The following PDE1A variants were observed in gnomAD, a reference collection of about 807,000 sequenced individuals.
PDE1A encodes the protein phosphodiesterase 1A, also known as dual specificity calcium/calmodulin-dependent 3',5'-cyclic nucleotide phosphodiesterase 1A.
In PDE1A, 35 loss-of-function variants were observed where a neutral mutation model predicts 61.7. The ratio of observed to expected loss-of-function variants is 0.57; its 90% CI spans 0.43 to 0.75. The LOEUF is 0.75. Among genes scored for constraint, PDE1A ranks in the 30% least tolerant of loss-of-function variants. PDE1A has a pLI of 0.00. For missense variants in PDE1A, 597 were observed against 630.6 expected (o/e 0.95, Z 0.57); for synonymous variants, 232 against 213.2 (o/e 1.09, Z -0.77).
At chr2:182,337,800 G>A (rs1012703507) in intron 1 of PDE1A, among the ~76,000 whole-genome samples, 3 of 152,014 alleles carry the variant, frequency 2.0e-5, no homozygotes, top group African/African-American at 7.2e-5. Flanking sequence ...CCTTTTCAGT[G>A]CACTAAAGGT....
upstream of PDE1A, among the ~76,000 whole-genome samples, chr2:182,429,925 G>T (rs1431741339): frequency 6.6e-6 from 1 of 152,136 alleles, no homozygotes; most frequent in Admixed American, 6.6e-5. Context: ...AAGCACGTAA[G>T]TCTAGTCAAA....
chr2:182,390,078 G>T (rs1461673362), intron 1 of PDE1A, among the ~76,000 whole-genome samples: 1 of 152,088 alleles, frequency 6.6e-6, no homozygotes, highest in Admixed American at 6.5e-5. Context: ...CCTATTGTAT[G>T]ATTTCACCTT....
the PDE1A span, among the ~76,000 whole-genome samples, chr2:182,669,833 T>A: frequency 6.6e-6 from 1 of 152,198 alleles, no homozygotes; most frequent in African/African-American, 2.4e-5. Flanking sequence ...CAGACGCACC[T>A]GCGTGTGCGT....
intron 11 of PDE1A, among the ~76,000 whole-genome samples, chr2:182,186,875 C>T (rs80085949): frequency 2.6e-5 from 4 of 152,284 alleles, no homozygotes; most frequent in East Asian, 1.9e-4. Context: ...ATATAATATA[C>T]GATTGCTAAC....
the PDE1A span, among the ~76,000 whole-genome samples, chr2:182,627,307 TA>T: frequency 1.3e-5 from 1 of 78,332 alleles, no homozygotes; most frequent in Non-Finnish European, 2.4e-5. Context: ...TATATATAAA[TA>T]AAATATATAT....
At chr2:182,663,167 A>AATTT in the PDE1A span, among the ~76,000 whole-genome samples, 1 of 152,234 alleles carries the variant, frequency 6.6e-6, no homozygotes, top group African/African-American at 2.4e-5. Flanking sequence ...CTATTACTAA[A>AATTT]AAGCCAAAAA....
chr2:182,481,639 C>A (rs1455094018), intron 2 of PDE1A, among the ~76,000 whole-genome samples: 2 of 151,864 alleles, frequency 1.3e-5, no homozygotes, highest in East Asian at 3.9e-4. Flanking sequence ...GTACAAAAAT[C>A]CCAGATTGTG....
At chr2:182,437,836 C>CT (rs994918537) in intron 2 of PDE1A, among the ~76,000 whole-genome samples, 21 of 151,764 alleles carry the variant, frequency 1.4e-4, no homozygotes, top group African/African-American at 5.1e-4. Flanking sequence ...AAATAATTTT[C>CT]TTTTCCAGTG....
chr2:182,710,585 A>G, the PDE1A span, among the ~76,000 whole-genome samples: 1 of 152,328 alleles, frequency 6.6e-6, no homozygotes, highest in East Asian at 1.9e-4. Context: ...GATTCTACAG[A>G]TAAGTAAGAT....
downstream of PDE1A, among the ~76,000 whole-genome samples, chr2:182,166,334 G>A (rs1465039945): frequency 6.6e-6 from 1 of 152,112 alleles, no homozygotes; most frequent in African/African-American, 2.4e-5. Flanking sequence ...GACAAAGCAG[G>A]TAGAAAAAGG....
At chr2:182,345,051 G>T (rs1403177695) in intron 1 of PDE1A, among the ~76,000 whole-genome samples, 1 of 152,110 alleles carries the variant, frequency 6.6e-6, no homozygotes, top group African/African-American at 2.4e-5. Flanking sequence ...TGTTTTGGGG[G>T]CTAAAATGGG....
the PDE1A span, among the ~76,000 whole-genome samples, chr2:182,676,077 T>C: frequency 6.6e-6 from 1 of 152,194 alleles, no homozygotes; most frequent in Admixed American, 6.5e-5. Flanking sequence ...AAGGTTTTTA[T>C]ACTTTTTGGT....
chr2:182,544,012 G>C, the PDE1A span, among the ~76,000 whole-genome samples: 2 of 152,060 alleles, frequency 1.3e-5, no homozygotes, highest in Non-Finnish European at 2.9e-5. Context: ...GAATGTCTTT[G>C]GTGAAAAATT....
chr2:182,155,804 T>C (rs555141040), intron 13 of PDE1A, among the ~76,000 whole-genome samples: 1 of 152,296 alleles, frequency 6.6e-6, no homozygotes, highest in East Asian at 1.9e-4. Context: ...GGCAGGAGAA[T>C]TGCTTGAACC....
At chr2:182,614,252 G>A in the PDE1A span, among the ~76,000 whole-genome samples, 2 of 152,218 alleles carry the variant, frequency 1.3e-5, no homozygotes, top group South Asian at 4.2e-4. Flanking sequence ...TTACTGAGAC[G>A]CTAAGAACAT....
intron 2 of PDE1A, among the ~76,000 whole-genome samples, chr2:182,460,469 G>C (rs1018560246): frequency 6.6e-6 from 1 of 152,094 alleles, no homozygotes; most frequent in African/African-American, 2.4e-5. Context: ...TAACTCCTGG[G>C]CTCAAAGAAT....
chr2:182,285,895 A>G (rs1028429892), intron 1 of PDE1A, among the ~76,000 whole-genome samples: 3 of 152,120 alleles, frequency 2.0e-5, no homozygotes, highest in African/African-American at 7.2e-5. Context: ...TTATAAATCA[A>G]TGGAAAGGTA....
chr2:182,418,493 T>C (rs1703061671), intron 1 of PDE1A, among the ~76,000 whole-genome samples: 1 of 152,208 alleles, frequency 6.6e-6, no homozygotes, highest in Non-Finnish European at 1.5e-5. Flanking sequence ...TATATATTTT[T>C]TTCCTGTCCT....
the PDE1A span, among the ~76,000 whole-genome samples, chr2:182,560,308 G>A: frequency 2.0e-5 from 3 of 146,754 alleles, no homozygotes; most frequent in Non-Finnish European, 4.4e-5. Flanking sequence ...GTGAGAATAT[G>A]CGGTGTTTGG....
Sources: gnomAD v4.1 joint callset for allele counts (sites outside exome capture counted in the v4.1 genomes callset) on GRCh38, gnomAD v4.1.1 for gene constraint, MANE v1.5 for transcripts, NCBI Gene and HGNC (gene_info 2026-07-23, HGNC 2026-07-21) for gene names.